Variants in MAPK10 observed in about 807,000 individuals in gnomAD.
MAPK10 encodes JNK3 alpha protein kinase.
A neutral mutation model predicts 59.3 loss-of-function variants in MAPK10; 25 were observed. That is an observed-to-expected ratio of 0.42 (90% CI 0.31 to 0.59). The LOEUF (loss-of-function observed/expected upper bound fraction) is 0.59. Ranked by LOEUF, MAPK10 falls within the 20% of genes least tolerant of loss-of-function variation. The pLI is 0.15. For synonymous variants in MAPK10, 190 were observed against 200.5 expected (o/e 0.95, Z 0.44); for missense variants, 351 against 568.9 (o/e 0.62, Z 3.90).
chr4:86,587,258 T>C (rs1205583862), intron 1 of MAPK10, among the ~76,000 whole-genome samples: 5 of 152,366 alleles, frequency 3.3e-5, no homozygotes, highest in Non-Finnish European at 4.4e-5. Context: ...TTCAATGTAC[T>C]TTGTCCCAGT....
At chr4:86,236,514 CTG>C (rs2148674990) in intron 2 of MAPK10, among the ~76,000 whole-genome samples, 1 of 152,326 alleles carries the variant, frequency 6.6e-6, no homozygotes, top group South Asian at 2.1e-4. Context: ...GTTAAGGAGA[CTG>C]TGTTCCAAAA....
At chr4:86,195,403 A>T (rs1286416492) in intron 2 of MAPK10, among the ~76,000 whole-genome samples, 2 of 150,844 alleles carry the variant, frequency 1.3e-5, no homozygotes, top group Non-Finnish European at 2.9e-5. Flanking sequence ...AATACACAAA[A>T]CATCTTTCAG....
chr4:86,532,043 A>G (rs1008465308), intron 1 of MAPK10, among the ~76,000 whole-genome samples: 1 of 147,812 alleles, frequency 6.8e-6, no homozygotes, highest in Non-Finnish European at 1.5e-5. Flanking sequence ...TTAATTACAT[A>G]TATATATTAT....
intron 1 of MAPK10, among the ~76,000 whole-genome samples, chr4:86,545,906 A>G (rs774488331): frequency 6.6e-6 from 1 of 152,246 alleles, no homozygotes; most frequent in Non-Finnish European, 1.5e-5. Context: ...AACATTGGCT[A>G]CAGAATTTTG....
At chr4:86,417,070 A>G (rs759087100) in intron 1 of MAPK10, among the ~76,000 whole-genome samples, 5 of 152,224 alleles carry the variant, frequency 3.3e-5, no homozygotes, top group Non-Finnish European at 7.3e-5. Context: ...GTACATAAAT[A>G]CATCAAAATT....
Position 86,586,960 on chromosome 4 carries a change from A to C in MAPK10, c.-263+6950T>G, listed in dbSNP as rs542859594. On this transcript the variant is annotated intron_variant, in intron 1 of 4. Transcript: ENST00000502302. ...TCCAAAGTTTCTCTTCAGAACGAAA[A>C]AATTAAGTCCAAAAATTATCTCAAG... 4.6e-5 allele frequency among the ~76,000 whole-genome samples: 7 copies of C among 152,324 alleles called. No individual in the cohort carries two copies. The South Asian group carries it at 1.4e-3, about 32-fold the overall frequency.
rs1448670165 is a variant in MAPK10, at chr4:86,541,266, A to G, written c.-263+52644T>C. The stretch of plus-strand genomic sequence containing the variant: ...CTAAAGCCAGGGGTAGTTGGTTCTC[A>G]GCAGCAGCAGGAGAAGATAACCAAA... On this transcript the variant is annotated intron_variant, in intron 1 of 4. Transcript: ENST00000502302. 2.0e-5 allele frequency among the ~76,000 whole-genome samples: 3 copies of G among 152,312 alleles called. No homozygotes were observed. In the East Asian group the frequency reaches 5.8e-4, roughly 29 times the overall value.
chr4:86,190,297 G>T (rs528685399), intron 3 of MAPK10, among the ~76,000 whole-genome samples: 1 of 152,188 alleles, frequency 6.6e-6, no homozygotes, highest in African/African-American at 2.4e-5. Flanking sequence ...TTTTTCTATT[G>T]TCTGGAATAG....
At chr4:86,443,151 C>G (rs1337194437) in intron 1 of MAPK10, among the ~76,000 whole-genome samples, 1 of 151,928 alleles carries the variant, frequency 6.6e-6, no homozygotes, top group Non-Finnish European at 1.5e-5. Flanking sequence ...TTGAAAACTC[C>G]AAGGAGACTC....
At chr4:86,468,017 C>A (rs1752359095) in intron 1 of MAPK10, among the ~76,000 whole-genome samples, 1 of 152,214 alleles carries the variant, frequency 6.6e-6, no homozygotes, top group Non-Finnish European at 1.5e-5. Context: ...GCTTGCCCCG[C>A]CGGTCGGCCA....
chr4:86,548,663 C>T (rs1381723403), intron 1 of MAPK10, among the ~76,000 whole-genome samples: 1 of 152,160 alleles, frequency 6.6e-6, no homozygotes, highest in Non-Finnish European at 1.5e-5. Flanking sequence ...GCCCATGGAA[C>T]CATGAGCCAA....
At chr4:86,372,529 A>AAAGG (rs1298852738) in intron 1 of MAPK10, among the ~76,000 whole-genome samples, 2 of 66,420 alleles carry the variant, frequency 3.0e-5, no homozygotes, top group East Asian at 9.4e-4. Context: ...CAAAAGAAAG[A>AAAGG]AAGAAAGAAA....
At chr4:86,567,966 G>C (rs80276358) in intron 1 of MAPK10, among the ~76,000 whole-genome samples, 7,118 of 152,160 alleles carry the variant, frequency 0.047, 221 homozygotes, top group African/African-American at 0.059. Context: ...GCAAGAGGGA[G>C]AAATAAAAGG....
At chr4:86,027,166 A>G (rs907438229) in intron 13 of MAPK10, 5 of 152,218 alleles carry the variant, frequency 3.3e-5, no homozygotes, top group Non-Finnish European at 5.9e-5. Flanking sequence ...GTCATACTAC[A>G]TGACTTATAA....
At chr4:86,053,837 A>G (rs1333931931) in intron 11 of MAPK10, among the ~76,000 whole-genome samples, 7 of 152,046 alleles carry the variant, frequency 4.6e-5, no homozygotes, top group Admixed American at 3.3e-4. Context: ...TATCTCAGAT[A>G]TCACCTAGGA....
At chr4:86,082,679 G>T (rs1438696528) in intron 9 of MAPK10, among the ~76,000 whole-genome samples, 1 of 152,184 alleles carries the variant, frequency 6.6e-6, no homozygotes, top group Non-Finnish European at 1.5e-5. Context: ...ACAAGGGAAT[G>T]TAAAGGAACT....
Position 86,036,823 on chromosome 4 carries a change from G to A in MAPK10, c.1111-5392C>T, listed in dbSNP as rs765853610. On this transcript the variant is annotated intron_variant, in intron 11 of 13. Transcript: ENST00000641462. Reference sequence around the variant, plus strand: ...ATTATTAGTAGCACTTACGCCCTTCGCTCCTTTAAGTGTTGTGGTTTGGAG... The same window carrying A: ...ATTATTAGTAGCACTTACGCCCTTCACTCCTTTAAGTGTTGTGGTTTGGAG... Among the ~76,000 whole-genome samples the A allele has an allele frequency of 4.6e-5, 7 of 152,174 alleles. No homozygotes were observed. In the East Asian group the frequency reaches 5.8e-4, roughly 13 times the overall value.
At chr4:86,147,999 T>G (rs1173930706) in intron 4 of MAPK10, among the ~76,000 whole-genome samples, 2 of 152,226 alleles carry the variant, frequency 1.3e-5, no homozygotes, top group African/African-American at 2.4e-5. Context: ...ACATACACAT[T>G]ACATTATTGA....
At chr4:86,198,068 A>C (rs946979834) in intron 2 of MAPK10, among the ~76,000 whole-genome samples, 1 of 152,160 alleles carries the variant, frequency 6.6e-6, no homozygotes, top group Admixed American at 6.6e-5. Context: ...GGGAGAAACT[A>C]GATTCCTGTT....
Sources: gnomAD v4.1 joint callset for allele counts (sites outside exome capture counted in the v4.1 genomes callset) on GRCh38, gnomAD v4.1.1 for gene constraint, MANE v1.5 for transcripts, NCBI Gene and HGNC (gene_info 2026-07-23, HGNC 2026-07-21) for gene names.